The following CEP152 variants were observed in gnomAD, a reference collection of about 807,000 sequenced individuals.
CEP152 encodes the protein centrosomal protein 152.
A neutral mutation model predicts 188.9 loss-of-function variants in CEP152; 132 were observed. The ratio of observed to expected loss-of-function variants is 0.70; its 90% CI spans 0.61 to 0.81. The LOEUF (loss-of-function observed/expected upper bound fraction) is 0.81. Ranked by LOEUF, CEP152 falls within the 30% of genes least tolerant of loss-of-function variation. The probability of loss-of-function intolerance (pLI) is 0.00; values close to 1 mark genes in which losing one functional copy is unlikely to be tolerated. For synonymous variants in CEP152, 649 were observed against 666.6 expected, an observed-to-expected ratio of 0.97 and a Z score of 0.41; for missense variants, 1,914 against 1,969.8, an observed-to-expected ratio of 0.97 and a Z score of 0.54.
At chr15:48,755,758 C>T (rs910097858) in intron 20 of CEP152, 145 bp downstream of exon 20, 11 of 1,484,032 alleles carry the variant, frequency 7.4e-6, no homozygotes, top group African/African-American at 1.4e-5. Context: ...CTTTGGATTT[C>T]GCTACAGAAA....
intron 20 of CEP152, 60 bp downstream of exon 20, chr15:48,755,843 T>C: frequency 6.2e-7 from 1 of 1,607,148 alleles, no homozygotes. Flanking sequence ...AAAAACACTA[T>C]ATACAACTTC....
chr15:48,734,059 G>C (rs1273003405), downstream of CEP152, among the ~76,000 whole-genome samples: 1 of 151,952 alleles, frequency 6.6e-6, no homozygotes, highest in East Asian at 1.9e-4. Flanking sequence ...AGAATCCATG[G>C]GAACAAAGAA....
downstream of CEP152, among the ~76,000 whole-genome samples, chr15:48,734,767 T>C (rs966585755): frequency 5.3e-5 from 8 of 151,950 alleles, no homozygotes; most frequent in African/African-American, 1.9e-4. Flanking sequence ...ACAAGAAATA[T>C]AGTAGATACA....
chr15:48,736,798 T>C (rs888917881), downstream of CEP152, among the ~76,000 whole-genome samples: 6 of 152,158 alleles, frequency 3.9e-5, no homozygotes, highest in African/African-American at 1.4e-4. Context: ...ATAACTGACA[T>C]GGATTTTGAA....
Position 48,791,297 on chromosome 15 carries a change from A to C in CEP152, c.912T>G (p.Leu304=). The change falls in exon 8 of 27, where the codon CTT becomes CTG. Residue 304 remains leucine (L), a synonymous_variant. Coordinates refer to ENST00000380950, the MANE Select transcript of CEP152 (RefSeq NM_001194998.2). Reference sequence around the variant, plus strand: ...TCTCCAGTGCTTTTATTTGAGCTTCAAGCTGTATCTCTCTTTCTTTTCCAT... The same window carrying C: ...TCTCCAGTGCTTTTATTTGAGCTTCCAGCTGTATCTCTCTTTCTTTTCCAT... The part of the protein sequence containing the change: ...FQNGKEREIQ[L]EAQIKALETQ... The C allele has an allele frequency of 6.2e-7, 1 of 1,613,014 alleles. No individual in the cohort carries two copies. Among genetic ancestry groups the C allele is most frequent in the Non-Finnish European group, 8.5e-7 (1 of 1,179,758 alleles).
chr15:48,794,326 A>G (rs528809015), intron 6 of CEP152, among the ~76,000 whole-genome samples: 1 of 152,228 alleles, frequency 6.6e-6, no homozygotes, highest in Non-Finnish European at 1.5e-5. Flanking sequence ...TCTACTTACT[A>G]CTAGAACAAT....
intron 24 of CEP152, among the ~76,000 whole-genome samples, chr15:48,742,780 T>A (rs1007897779): frequency 1.3e-5 from 2 of 152,074 alleles, no homozygotes; most frequent in Admixed American, 1.3e-4. Context: ...TATCTTTGAT[T>A]AGGACTACTA....
intron 7 of CEP152, among the ~76,000 whole-genome samples, chr15:48,792,968 C>G (rs1056268648): frequency 1.3e-5 from 2 of 151,980 alleles, no homozygotes; most frequent in Non-Finnish European, 2.9e-5. Flanking sequence ...ATTACAGGTG[C>G]CTGCCACTAT....
rs533169100 is a variant in CEP152, at chr15:48,751,422, T to A, written c.3466+927A>T. Among the ~76,000 whole-genome samples, 53 of 152,306 alleles carry A rather than the reference T, an allele frequency of 3.5e-4. No homozygotes were observed. In the South Asian group the frequency reaches 3.7e-3, roughly 11 times the overall value. ...CATCCACTGAATTGGCAGTAAGATA[T>A]TCTCAGCCACCTAGAACCTAGAAGT... is the stretch of plus-strand genomic sequence containing the variant. On this transcript the variant is annotated intron_variant, in intron 21 of 26. Transcript: ENST00000380950.
intron 9 of CEP152, among the ~76,000 whole-genome samples, chr15:48,784,938 C>T (rs968250245): frequency 6.6e-6 from 1 of 152,034 alleles, no homozygotes; most frequent in Non-Finnish European, 1.5e-5. Flanking sequence ...AACACACTGT[C>T]GAAATCATCA....
chr15:48,801,379 G>A (rs1416838154), intron 2 of CEP152, among the ~76,000 whole-genome samples: 1 of 152,198 alleles, frequency 6.6e-6, no homozygotes, highest in African/African-American at 2.4e-5. Flanking sequence ...GAGCTCAATG[G>A]AGCTTTATTA....
chr15:48,730,479 T>C (rs754584902), intron 2 of CEP152, among the ~76,000 whole-genome samples: 5 of 152,150 alleles, frequency 3.3e-5, no homozygotes, highest in Non-Finnish European at 5.9e-5. Context: ...TGTGTGCATA[T>C]GTAGGGAAAA....
intron 2 of CEP152, among the ~76,000 whole-genome samples, chr15:48,731,005 C>G (rs1292022330): frequency 6.6e-6 from 1 of 152,166 alleles, no homozygotes; most frequent in Non-Finnish European, 1.5e-5. Flanking sequence ...TCAAGAAAAA[C>G]TATGCATGTG....
intron 14 of CEP152, 39 bp from the exon 15 acceptor site, chr15:48,768,367 A>G: frequency 9.0e-7 from 1 of 1,107,048 alleles, no homozygotes; most frequent in Non-Finnish European, 1.4e-6. Context: ...TACAGAAAAT[A>G]AACATCATTT....
At chr15:48,770,606 G>A (rs1895461594) in intron 13 of CEP152, among the ~76,000 whole-genome samples, 1 of 152,092 alleles carries the variant, frequency 6.6e-6, no homozygotes, top group East Asian at 1.9e-4. Flanking sequence ...CCACCAAAAT[G>A]CTTAAACTAA....
intron 20 of CEP152, among the ~76,000 whole-genome samples, chr15:48,755,569 TACATGTGCC>T (rs1894193228): frequency 6.6e-6 from 1 of 152,176 alleles, no homozygotes; most frequent in African/African-American, 2.4e-5. Context: ...TACATAGGTA[TACATGTGCC>T]ATGGTGGTTT....
At chr15:48,741,867 T>C (rs1036795093) in intron 25 of CEP152, 80 bp downstream of exon 25, 31 of 1,612,810 alleles carry the variant, frequency 1.9e-5, no homozygotes, top group Non-Finnish European at 2.5e-5. Flanking sequence ...ATAGTTAATT[T>C]AGTGGTTAAG....
intron 2 of CEP152, among the ~76,000 whole-genome samples, chr15:48,803,429 G>A (rs1018024616): frequency 2.6e-5 from 4 of 152,142 alleles, no homozygotes; most frequent in South Asian, 2.1e-4. Flanking sequence ...GAACAGTTCC[G>A]AAGTTTGTTA....
intron 19 of CEP152, among the ~76,000 whole-genome samples, chr15:48,756,979 A>G (rs982123094): frequency 1.3e-5 from 2 of 152,222 alleles, no homozygotes; most frequent in African/African-American, 4.8e-5. Context: ...TTACTTGCTG[A>G]TAAGTGTAAC....
Sources: allele counts gnomAD v4.1 joint callset (sites outside exome capture counted in the v4.1 genomes callset), GRCh38; gene constraint gnomAD v4.1.1; transcripts MANE v1.5; gene names NCBI Gene and HGNC (gene_info 2026-07-23, HGNC 2026-07-21).